The following SPATA20 variants were observed in gnomAD, a reference collection of about 807,000 sequenced individuals.
SPATA20 encodes the protein spermatogenesis-associated protein 20.
SPATA20 carries 74 observed loss-of-function variants against 98.9 expected under a neutral mutation model. That is an observed-to-expected ratio of 0.75 (90% CI 0.62 to 0.91). SPATA20 has a LOEUF of 0.91. Among genes scored for constraint, SPATA20 ranks in the 40% least tolerant of loss-of-function variants. SPATA20 has a pLI of 0.00. For synonymous variants in SPATA20, 430 were observed against 440.5 expected (o/e 0.98, Z 0.30); for missense variants, 1,016 against 1,069.8 (o/e 0.95, Z 0.70).
Position 50,548,752 on chromosome 17 carries a change from G to T in SPATA20, c.362-58G>T, listed in dbSNP as rs919886335. On this transcript the variant is annotated intron_variant, in intron 4 of 16. Coordinates refer to ENST00000006658, the MANE Select transcript of SPATA20 (RefSeq NM_022827.4). ...TCTTCCATGTAGCCAGGGCCACTTGGCCAGCCTCCCTCTGACCCGTTGCTG... is the reference window on the plus strand; with the variant it reads ...TCTTCCATGTAGCCAGGGCCACTTGTCCAGCCTCCCTCTGACCCGTTGCTG... 3.8e-6 allele frequency: 6 copies of T among 1,595,486 alleles called. No individual in the cohort carries two copies. The African/African-American group carries it at 5.4e-5, about 14-fold the overall frequency.
intron 15 of SPATA20, 119 bp from the exon 16 acceptor site, chr17:50,555,113 G>A (rs2035089802): frequency 1.3e-6 from 1 of 751,708 alleles, no homozygotes; most frequent in Non-Finnish European, 2.3e-6. Flanking sequence ...GCTGAGATGA[G>A]TCCCTGTTCC....
intron 12 of SPATA20, 118 bp from the exon 13 acceptor site, chr17:50,551,393 C>G (rs919283368): frequency 1.5e-6 from 2 of 1,340,834 alleles, no homozygotes; most frequent in Admixed American, 2.2e-5. Flanking sequence ...CTTTGGAGCC[C>G]AAGATCTTAG....
rs1393991332 is a variant in SPATA20, at chr17:50,549,839, G to A, written c.863-146G>A. On this transcript the variant is annotated intron_variant, in intron 7 of 16. Coordinates refer to ENST00000006658, the MANE Select transcript of SPATA20 (RefSeq NM_022827.4). ...CTTAGGCTATTACCTTCTGTCCTGTGGGTTGACTCTTGACCTCACAGCCTG... is the reference window on the plus strand; with the variant it reads ...CTTAGGCTATTACCTTCTGTCCTGTAGGTTGACTCTTGACCTCACAGCCTG... The A allele has an allele frequency of 1.7e-5, 15 of 878,634 alleles. No individual in the cohort carries two copies. The Admixed American group carries it at 3.3e-4, about 19-fold the overall frequency. The allele number at this position is 878,634 out of a possible 1,614,324, so 54.4% of individuals were successfully genotyped here.
chr17:50,555,278 T>G lies in SPATA20; in HGVS notation c.2204T>G (p.Val735Gly), dbSNP rs1229826943. Residue 735 changes from valine (V) to glycine (G), a missense_variant, in exon 16 of 17, where the codon GTG becomes GGG. Val to Gly is a moderately radical substitution (Grantham distance 109). Transcript: ENST00000006658. ...CAGGCCAAGGACACCAAGGCCCTGG[T>G]GCAGTGCGTCCACTCTGTCTACATT... ...DRQAKDTKAL[V>G]QCVHSVYIPN... 1.2e-6 allele frequency: 2 copies of G among 1,614,008 alleles called. No individual in the cohort carries two copies. Among genetic ancestry groups the G allele is most frequent in the East Asian group, 4.5e-5 (2 of 44,870 alleles).
chr17:50,548,099 C>T, intron 2 of SPATA20, 184 bp from the exon 3 acceptor site: 5 of 1,507,874 alleles, frequency 3.3e-6, no homozygotes, highest in Non-Finnish European at 3.5e-6. Flanking sequence ...GCCACCTCTC[C>T]TCACCCCCCA....
In SPATA20 at chr17:50,552,191, G is replaced by C; in HGVS notation, c.1957+11G>C. The C allele has an allele frequency of 6.2e-7, 1 of 1,612,482 alleles. No individual in the cohort carries two copies. The highest frequency in any genetic ancestry group is 8.5e-7 in the Non-Finnish European group (1 of 1,179,344). ...TGCGTCTGAAGGACGGTCAGTGGGG[G>C]TGCAGGGCTAGTCTGGGGTCCTGGG... On this transcript the variant is annotated intron_variant, in intron 14 of 16. Transcript: ENST00000006658.
At position 50,547,201 on chromosome 17, in the gene SPATA20, G is replaced by T; in HGVS notation, c.-8G>T. The T allele has an allele frequency of 7.0e-7, 1 of 1,426,208 alleles. No individual in the cohort carries two copies. Among genetic ancestry groups the T allele is most frequent in the South Asian group, 1.4e-5 (1 of 69,088 alleles). 88.3% of individuals were successfully genotyped at this position (1,426,208 alleles called of 1,614,324 possible). On this transcript the variant is annotated 5_prime_UTR_variant, in exon 1 of 17. Transcript: ENST00000006658. ...CCTCAGCGGCCGGGCCCACGGCCCC[G>T]AGCAGCCATGCTGGGCGCGCGGGCC...
chr17:50,552,323 TG>T, intron 14 of SPATA20, 143 bp downstream of exon 14: 1 of 672,450 alleles, frequency 1.5e-6, no homozygotes, highest in Non-Finnish European at 2.5e-6. Flanking sequence ...GTAATATTTC[TG>T]TGTCTCAATT....
At chr17:50,555,188 C>T in intron 15 of SPATA20, 44 bp from the exon 16 acceptor site, 1 of 1,554,042 alleles carries the variant, frequency 6.4e-7, no homozygotes, top group Non-Finnish European at 8.9e-7. Context: ...GGGCTCAGCC[C>T]TCCCTCCCCT....
intron 14 of SPATA20, among the ~76,000 whole-genome samples, chr17:50,553,829 G>A (rs1225400128): frequency 2.6e-5 from 4 of 152,188 alleles, no homozygotes; most frequent in African/African-American, 9.7e-5. Flanking sequence ...ATTGGTGAAG[G>A]CTCAGAGGAT....
rs2034961323 is a variant in SPATA20 at position 50,548,935 on chromosome 17, G to A, written c.487G>A (p.Val163Met). Residue 163 changes from valine to methionine, a missense_variant, in exon 5 of 17, where the codon GTG becomes ATG. Transcript: ENST00000006658. ...VKVDREERPDVDKVYMTFVQA... is the reference protein window; with the variant it reads ...VKVDREERPDMDKVYMTFVQA... ...GGTAGACCGTGAGGAGCGGCCTGAC[G>A]TGGACAAGGTGTACATGACGTTCGT... 1.2e-6 allele frequency: 2 copies of A among 1,614,158 alleles called. No homozygotes were observed. Among genetic ancestry groups the A allele is most frequent in the Non-Finnish European group, 1.7e-6 (2 of 1,180,016 alleles).
At chr17:50,549,207 TG>T in intron 6 of SPATA20, 21 bp downstream of exon 6, 1 of 1,593,810 alleles carries the variant, frequency 6.3e-7, no homozygotes, top group Non-Finnish European at 8.6e-7. Flanking sequence ...CTCCGGGAGT[TG>T]GGGGACCAGG....
Position 50,550,829 on chromosome 17 carries a change from T to G in SPATA20, c.1295T>G (p.Val432Gly). ...KEVQQLLPEP[V>G]LGATEPLTSG... is the part of the protein sequence containing the mutation. ...GTTCAGCAGCTCCTCCCGGAGCCTGTGTTGGGTGCCACCGAGCCGCTGACC... is the reference window on the plus strand; with the variant it reads ...GTTCAGCAGCTCCTCCCGGAGCCTGGGTTGGGTGCCACCGAGCCGCTGACC... The change falls in exon 11 of 17, where the codon GTG becomes GGG. Residue 432 changes from valine to glycine, a missense_variant. Physicochemically the swap from Val to Gly is moderately radical, Grantham distance 109. Coordinates refer to ENST00000006658, the MANE Select transcript of SPATA20 (RefSeq NM_022827.4). The G allele has an allele frequency of 6.2e-7, 1 of 1,612,966 alleles. No homozygotes were observed. Among genetic ancestry groups the G allele is most frequent in the Non-Finnish European group, 8.5e-7 (1 of 1,180,014 alleles).
chr17:50,555,106 GA>G, intron 15 of SPATA20, 125 bp from the exon 16 acceptor site: 2 of 702,762 alleles, frequency 2.8e-6, no homozygotes, highest in South Asian at 3.5e-5. Context: ...CCTGGCAGCT[GA>G]GATGAGTCCC....
At position 50,551,644 on chromosome 17, in the gene SPATA20, C is replaced by T. The variant is rs1203856467; in HGVS notation, c.1710C>T (p.Thr570=). 2.5e-6 allele frequency: 4 copies of T among 1,597,516 alleles called. No homozygotes were observed. Among genetic ancestry groups the T allele is most frequent in the Non-Finnish European group, 2.6e-6 (3 of 1,166,744 alleles). Residue 570 remains threonine, a synonymous_variant, in exon 13 of 17, where the codon ACC becomes ACT. Coordinates refer to ENST00000006658, the MANE Select transcript of SPATA20 (RefSeq NM_022827.4). ...FDVASGRLMR[T]CYTGPGGTVE... is the part of the protein sequence containing the mutation. ...TGGCCAGTGGCCGCCTGATGCGGAC[C>T]TGCTACACCGGCCCTGGGGGGACTG...
rs201623031 is a variant in SPATA20 at position 50,549,027 on chromosome 17, G to A, written c.517-16G>A. 1,162 of 1,613,686 alleles carry A rather than the reference G, an allele frequency of 7.2e-4. 11 individuals carry two copies. The African/African-American group carries it at 0.014, about 19-fold the overall frequency. On this transcript the variant is annotated splice_polypyrimidine_tract_variant and intron_variant, in intron 5 of 16. Coordinates refer to ENST00000006658, the MANE Select transcript of SPATA20 (RefSeq NM_022827.4). ...GCTCAGAGCAGCTCCCCTCACCCTC[G>A]CCCTCTCTCCGCCAGGCCACCAGCA...
At position 50,548,297 on chromosome 17, in the gene SPATA20, G is replaced by A. The variant is rs143641877; in HGVS notation, c.140G>A (p.Arg47Gln). Residue 47 changes from arginine (R) to glutamine (Q), a missense_variant, in exon 3 of 17, where the codon CGG becomes CAG. Coordinates refer to ENST00000006658, the MANE Select transcript of SPATA20 (RefSeq NM_022827.4). Reference sequence around the variant, plus strand: ...GTCCTCGCCAGGGGTAGCTCCTCCCGGGACAAGGACCGAAGTGCGACGGTC... The same window carrying A: ...GTCCTCGCCAGGGGTAGCTCCTCCCAGGACAAGGACCGAAGTGCGACGGTC... Reference protein sequence around the residue: ...HRSPSRGSSSRDKDRSATVSS... With the variant: ...HRSPSRGSSSQDKDRSATVSS... The A allele has an allele frequency of 2.5e-6, 4 of 1,613,320 alleles. No individual in the cohort carries two copies. The highest frequency in any genetic ancestry group is 3.4e-6 in the Non-Finnish European group (4 of 1,179,836).
chr17:50,551,427 G>T lies in SPATA20; in HGVS notation c.1577-84G>T. 5 of 1,437,568 alleles carry T rather than the reference G, an allele frequency of 3.5e-6. No individual in the cohort carries two copies. The South Asian group carries it at 6.6e-5, about 19-fold the overall frequency. 89.1% of individuals were successfully genotyped at this position (1,437,568 alleles called of 1,614,324 possible). ...AGGGATCACCCATGGCTCCAGGGAGGTGTTGGGGCCTAAGGTGATAGGGTG... is the reference window on the plus strand; with the variant it reads ...AGGGATCACCCATGGCTCCAGGGAGTTGTTGGGGCCTAAGGTGATAGGGTG... On this transcript the variant is annotated intron_variant, in intron 12 of 16. Coordinates refer to ENST00000006658, the MANE Select transcript of SPATA20 (RefSeq NM_022827.4).
Position 50,550,535 on chromosome 17 carries a change from G to C in SPATA20, c.1099-1G>C, listed in dbSNP as rs1465520595. ...ACAGTCTCCTTTCTTCCCTTTCTTA[G>C]CTCTCTGGTGATGAATTCTACTCTG... On this transcript the variant is annotated splice_acceptor_variant, in intron 9 of 16. Coordinates refer to ENST00000006658, the MANE Select transcript of SPATA20 (RefSeq NM_022827.4). LOFTEE classifies it high-confidence loss of function. 1.9e-6 allele frequency: 3 copies of C among 1,613,976 alleles called. No homozygotes were observed. The Admixed American group carries it at 5.0e-5, about 27-fold the overall frequency.
Sources: gnomAD v4.1 joint callset for allele counts (sites outside exome capture counted in the v4.1 genomes callset) on GRCh38, gnomAD v4.1.1 for gene constraint, MANE v1.5 for transcripts, NCBI Gene and HGNC (gene_info 2026-07-23, HGNC 2026-07-21) for gene names.